The following EDNRA variants were observed in gnomAD, a reference collection of about 807,000 sequenced individuals.
The protein encoded by EDNRA is endothelin-1 receptor.
EDNRA carries 11 observed loss-of-function variants against 41.4 expected under a neutral mutation model. That is an observed-to-expected ratio of 0.27 (90% CI 0.17 to 0.44). The LOEUF is 0.44. Among genes scored for constraint, EDNRA ranks in the 20% least tolerant of loss-of-function variants. EDNRA has a pLI of 1.00. For synonymous variants in EDNRA, 172 were observed against 183.0 expected (o/e 0.94, Z 0.49); for missense variants, 294 against 531.0 (o/e 0.55, Z 4.39).
At chr4:147,522,748 C>A (rs1331416979) in intron 3 of EDNRA, among the ~76,000 whole-genome samples, 3 of 152,032 alleles carry the variant, frequency 2.0e-5, no homozygotes, top group Non-Finnish European at 4.4e-5. Context: ...ATGAAGAAAG[C>A]CAAACTCTGA....
chr4:147,515,369 G>C (rs1730080248), intron 2 of EDNRA, among the ~76,000 whole-genome samples: 1 of 152,138 alleles, frequency 6.6e-6, no homozygotes, highest in Admixed American at 6.5e-5. Flanking sequence ...CTGTGGTGGT[G>C]GGGGGAAGGG....
intron 2 of EDNRA, among the ~76,000 whole-genome samples, chr4:147,515,290 T>C (rs188033850): frequency 5.4e-4 from 82 of 152,262 alleles, no homozygotes; most frequent in Non-Finnish European, 9.1e-4. Context: ...CCTCTACCCC[T>C]AGATGCGAGT....
intron 2 of EDNRA, among the ~76,000 whole-genome samples, chr4:147,515,761 G>T (rs909302725): frequency 6.6e-6 from 1 of 152,106 alleles, no homozygotes; most frequent in Admixed American, 6.5e-5. Context: ...TACTTAAGAG[G>T]TCCCAACCAA....
intron 5 of EDNRA, among the ~76,000 whole-genome samples, chr4:147,539,351 T>A (rs1409999560): frequency 6.6e-6 from 1 of 152,094 alleles, no homozygotes; most frequent in Non-Finnish European, 1.5e-5. Flanking sequence ...CAATATCATG[T>A]GATGTTCAGT....
rs781724124 is a variant in EDNRA at position 147,522,543 on chromosome 4, C to CA, written c.548+2580dup. On this transcript the variant is annotated intron_variant, in intron 3 of 7. Transcript: ENST00000651419. ...TGGGGGATGGAGTGAGACTCTGTCT[C>CA]AAAAAAAAAAAAAAATTAGTTTATG... Among the ~76,000 whole-genome samples, 766 of 121,834 alleles carry CA rather than the reference C, an allele frequency of 6.3e-3. 19 individuals are homozygous for CA. In the South Asian group the frequency reaches 0.08, roughly 13 times the overall value. 79.9% of individuals were successfully genotyped at this position (121,834 alleles called of 152,430 possible). A position where few individuals can be genotyped will look rare whatever the true frequency, so the allele number is the denominator to read the frequency against.
intron 2 of EDNRA, among the ~76,000 whole-genome samples, chr4:147,498,979 T>G (rs537408548): frequency 6.6e-6 from 1 of 152,320 alleles, no homozygotes; most frequent in South Asian, 2.1e-4. Context: ...TCTCAAGAAA[T>G]CAAAATATGT....
chr4:147,486,365 A>AT lies in EDNRA; in HGVS notation c.420+265dup, dbSNP rs1426702168. ...ATGGTGTTTCATGACTTGGATTCTC[A>AT]TGCCACCCCTGGGCTTGCTGGTTGG... On this transcript the variant is annotated intron_variant, in intron 2 of 7. Transcript: ENST00000651419. The surrounding 1 kb of genome is among the most constrained non-coding windows in gnomAD (Gnocchi z 4.3). Among the ~76,000 whole-genome samples, 1 of 152,182 alleles carries AT rather than the reference A, an allele frequency of 6.6e-6. No individual in the cohort carries two copies. The highest frequency in any genetic ancestry group is 2.4e-5 in the African/African-American group (1 of 41,450).
At chr4:147,534,122 G>A (rs964922610) in intron 4 of EDNRA, among the ~76,000 whole-genome samples, 1 of 152,098 alleles carries the variant, frequency 6.6e-6, no homozygotes, top group East Asian at 1.9e-4. Flanking sequence ...TGCCATGGAG[G>A]GGGCAGGGGA....
intron 2 of EDNRA, among the ~76,000 whole-genome samples, chr4:147,505,477 G>A (rs1729673586): frequency 6.6e-6 from 1 of 151,166 alleles, no homozygotes; most frequent in East Asian, 1.9e-4. Context: ...GAGTAACTAG[G>A]ATTGCAGGTG....
At position 147,542,860 on chromosome 4, in the gene EDNRA, A is replaced by T. The variant is rs911702358; in HGVS notation, c.*242A>T. 1.5e-5 allele frequency: 6 copies of T among 403,902 alleles called. No homozygotes were observed. Among genetic ancestry groups the T allele is most frequent in the African/African-American group, 1.0e-4 (5 of 49,340 alleles). 25.0% of individuals were successfully genotyped at this position (403,902 alleles called of 1,614,324 possible). On this transcript the variant is annotated 3_prime_UTR_variant, in exon 8 of 8. Transcript: ENST00000651419. ...TGCGTGTTGTATTCAGCACTAAAAA[A>T]TGGTGGGAGCTGGGGGAGAATGAAG...
In EDNRA at chr4:147,519,719, C is replaced by T. The variant is rs1730247197; in HGVS notation, c.421-132C>T. 2 of 1,064,934 alleles carry T rather than the reference C, an allele frequency of 1.9e-6. No individual in the cohort carries two copies. The highest frequency in any genetic ancestry group is 2.6e-6 in the Non-Finnish European group (2 of 776,440). 66.0% of individuals were successfully genotyped at this position (1,064,934 alleles called of 1,614,324 possible). A position where few individuals can be genotyped will look rare whatever the true frequency, so the allele number is the denominator to read the frequency against. On this transcript the variant is annotated intron_variant, in intron 2 of 7. Coordinates refer to ENST00000651419, the MANE Select transcript of EDNRA (RefSeq NM_001957.4). This position sits in a 1 kb window ranked among gnomAD's most constrained non-coding sequence, Gnocchi z 4.1. Reference sequence around the variant, plus strand: ...AGAAAAAAATAACAATTCTAATACTCTTTTGCTACAGTGCTAACTGAAAAG... The same window carrying T: ...AGAAAAAAATAACAATTCTAATACTTTTTTGCTACAGTGCTAACTGAAAAG...
intron 2 of EDNRA, chr4:147,494,154 T>G (rs1161036790): frequency 6.6e-6 from 1 of 152,210 alleles, no homozygotes; most frequent in Non-Finnish European, 1.5e-5. Context: ...ATTCACCACT[T>G]GTTTACTCAG....
chr4:147,529,649 T>TACAC (rs1474658235), intron 3 of EDNRA, among the ~76,000 whole-genome samples: 3 of 152,182 alleles, frequency 2.0e-5, no homozygotes, highest in Non-Finnish European at 4.4e-5. Context: ...ACTTGCAGAT[T>TACAC]TTCCATGACA....
At chr4:147,505,805 T>C (rs559851476) in intron 2 of EDNRA, among the ~76,000 whole-genome samples, 3 of 151,886 alleles carry the variant, frequency 2.0e-5, no homozygotes, top group Admixed American at 6.6e-5. Flanking sequence ...CCCGCCACCA[T>C]GCCCAGCTAA....
At chr4:147,536,123 A>G in intron 5 of EDNRA, 94 bp downstream of exon 5, 1 of 1,382,792 alleles carries the variant, frequency 7.2e-7, no homozygotes, top group Non-Finnish European at 1.0e-6. Flanking sequence ...AATTAGCCTG[A>G]TTTCCTAAAA....
Position 147,486,835 on chromosome 4 carries a change from C to T in EDNRA, c.420+734C>T, listed in dbSNP as rs113860889. Among the ~76,000 whole-genome samples, 10 of 151,784 alleles carry T rather than the reference C, an allele frequency of 6.6e-5. No homozygotes were observed. The highest frequency in any genetic ancestry group is 2.4e-4 in the African/African-American group (10 of 41,354). On this transcript the variant is annotated intron_variant, in intron 2 of 7. Coordinates refer to ENST00000651419, the MANE Select transcript of EDNRA (RefSeq NM_001957.4). The surrounding 1 kb of genome is among the most constrained non-coding windows in gnomAD (Gnocchi z 4.3). The stretch of plus-strand genomic sequence containing the variant: ...AAAAGAAACACAACAAAGTCAGTGC[C>T]TCAGTGTGAGAGGAAGATAACTAAC...
chr4:147,542,393 C>G, intron 7 of EDNRA, 85 bp from the exon 8 acceptor site: 1 of 1,568,698 alleles, frequency 6.4e-7, no homozygotes, highest in Non-Finnish European at 8.6e-7. Context: ...ACATTTGCCC[C>G]TCATTAGCAT....
At chr4:147,527,381 G>A (rs973292363) in intron 3 of EDNRA, among the ~76,000 whole-genome samples, 3 of 152,188 alleles carry the variant, frequency 2.0e-5, no homozygotes, top group Non-Finnish European at 4.4e-5. Context: ...TTGTTATACT[G>A]TGTAGCCATT....
chr4:147,492,726 T>C (rs1216493812), intron 2 of EDNRA: 1 of 152,030 alleles, frequency 6.6e-6, no homozygotes, highest in Non-Finnish European at 1.5e-5. Context: ...CTATGATATA[T>C]GTACATTGCA....
Sources: gnomAD v4.1 joint callset for allele counts (sites outside exome capture counted in the v4.1 genomes callset) on GRCh38, gnomAD v4.1.1 for gene constraint, Gnocchi (gnomAD v3.1) non-coding constraint, MANE v1.5 for transcripts, NCBI Gene and HGNC (gene_info 2026-07-23, HGNC 2026-07-21) for gene names.